The following ABRAXAS2 variants were observed in gnomAD, a reference collection of about 807,000 sequenced individuals.
ABRAXAS2 encodes BRISC complex subunit Abraxas 2.
In ABRAXAS2, 23 loss-of-function variants were observed where a neutral mutation model predicts 49.0. The ratio of observed to expected loss-of-function variants is 0.47; its 90% CI spans 0.34 to 0.66. The LOEUF (loss-of-function observed/expected upper bound fraction) is 0.66. ABRAXAS2 is among the 30% of genes least tolerant of loss of function. ABRAXAS2 has a pLI of 0.01. For synonymous variants in ABRAXAS2, 168 were observed against 180.2 expected (o/e 0.93, Z 0.54); for missense variants, 443 against 511.9 (o/e 0.87, Z 1.30).
chr10:124,812,930 G>C lies in ABRAXAS2; in HGVS notation c.164-3646G>C, dbSNP rs1054144954. ...GAATATCACATTTTGGGCTGGGCGT[G>C]GTGGCTCATGCCTGTAATCCCAGCA... On this transcript the variant is annotated intron_variant, in intron 2 of 8. Coordinates refer to ENST00000298492, the MANE Select transcript of ABRAXAS2 (RefSeq NM_032182.4). Among the ~76,000 whole-genome samples the C allele has an allele frequency of 3.4e-4, 51 of 152,222 alleles. 1 individual carries two copies. Among genetic ancestry groups the C allele is most frequent in the African/African-American group, 1.2e-3 (48 of 41,462 alleles).
chr10:124,810,416 A>T (rs1297545027), intron 2 of ABRAXAS2, among the ~76,000 whole-genome samples: 1 of 152,010 alleles, frequency 6.6e-6, no homozygotes, highest in African/African-American at 2.4e-5. Context: ...AGTCCTAGCT[A>T]CTCAGAAAGC....
At chr10:124,820,151 A>G (rs1268841190) in intron 4 of ABRAXAS2, among the ~76,000 whole-genome samples, 7 of 152,268 alleles carry the variant, frequency 4.6e-5, no homozygotes, top group Admixed American at 4.6e-4. Context: ...ATATTAAAAC[A>G]ACAGCCATTC....
Position 124,834,580 on chromosome 10 carries a change from C to T in ABRAXAS2, c.857C>T (p.Ser286Phe). 3.7e-6 allele frequency: 6 copies of T among 1,614,172 alleles called. No homozygotes were observed. Among genetic ancestry groups the T allele is most frequent in the Non-Finnish European group, 5.1e-6 (6 of 1,180,038 alleles). The change falls in exon 9 of 9, where the codon TCT becomes TTT. Residue 286 changes from serine to phenylalanine, a missense_variant. Ser to Phe is a radical substitution (Grantham distance 155). Transcript: ENST00000298492. ...GCGTTCAGTCCTCGGATGCCGTCCT[C>T]TGGGTTTGCAGCTGAAGGCAGAAGT... The part of the protein sequence containing the change: ...DPAFSPRMPS[S>F]GFAAEGRSTL...
At chr10:124,821,305 G>T (rs866644236) in intron 4 of ABRAXAS2, among the ~76,000 whole-genome samples, 2 of 150,814 alleles carry the variant, frequency 1.3e-5, no homozygotes, top group African/African-American at 4.8e-5. Flanking sequence ...GGTGGCTCAT[G>T]CCTGTAATCC....
intron 5 of ABRAXAS2, among the ~76,000 whole-genome samples, chr10:124,827,009 G>A (rs1202829945): frequency 6.7e-6 from 1 of 150,250 alleles, no homozygotes; most frequent in East Asian, 2.0e-4. Flanking sequence ...CAGAAGAATC[G>A]CTTGAACCTG....
chr10:124,828,641 TGA>T (rs1336111369), intron 5 of ABRAXAS2, 113 bp from the exon 6 acceptor site: 1 of 944,836 alleles, frequency 1.1e-6, no homozygotes. Context: ...CCCAAAGTGC[TGA>T]GATTAGAGGT....
chr10:124,832,210 G>A (rs1038127439), intron 8 of ABRAXAS2, among the ~76,000 whole-genome samples: 5 of 152,072 alleles, frequency 3.3e-5, no homozygotes, highest in African/African-American at 9.6e-5. Context: ...TATTCTTTTA[G>A]CTTCATGTCT....
chr10:124,833,109 G>A (rs1463841467), intron 8 of ABRAXAS2, among the ~76,000 whole-genome samples: 1 of 143,292 alleles, frequency 7.0e-6, no homozygotes, highest in Non-Finnish European at 1.5e-5. Flanking sequence ...TCACACCACT[G>A]CACTCCAGCC....
intron 2 of ABRAXAS2, among the ~76,000 whole-genome samples, chr10:124,809,473 CG>C (rs35403952): frequency 0.76 from 115,727 of 151,304 alleles, 44,317 homozygotes; most frequent in South Asian, 0.85. Context: ...TTAGTAGAGA[CG>C]GGGGTTTCTC....
At chr10:124,826,453 C>T (rs1459877022) in intron 4 of ABRAXAS2, 142 bp from the exon 5 acceptor site, 1 of 697,518 alleles carries the variant, frequency 1.4e-6, no homozygotes, top group African/African-American at 1.8e-5. Context: ...ATCCATGCTC[C>T]TGCTCATGGA....
intron 3 of ABRAXAS2, among the ~76,000 whole-genome samples, chr10:124,817,271 C>A (rs1451686879): frequency 6.6e-6 from 1 of 151,982 alleles, no homozygotes; most frequent in African/African-American, 2.4e-5. Context: ...CATATTATGA[C>A]CAACTAAAGG....
Position 124,835,346 on chromosome 10 carries a change from T to A in ABRAXAS2, c.*375T>A, listed in dbSNP as rs1679541052. The A allele has an allele frequency of 6.3e-6, 1 of 158,200 alleles. No homozygotes were observed. The highest frequency in any genetic ancestry group is 2.4e-5 in the African/African-American group (1 of 41,702). 9.8% of individuals were successfully genotyped at this position (158,200 alleles called of 1,614,324 possible). A position where few individuals can be genotyped will look rare whatever the true frequency, so the allele number is the denominator to read the frequency against. On this transcript the variant is annotated 3_prime_UTR_variant, in exon 9 of 9. Coordinates refer to ENST00000298492, the MANE Select transcript of ABRAXAS2 (RefSeq NM_032182.4). ...TAAATCAAAAACTTACCTCTTGCAC[T>A]ATCATGCCTTGAAATTTACTTTTTC...
At chr10:124,816,212 C>T (rs1181980835) in intron 2 of ABRAXAS2, among the ~76,000 whole-genome samples, 1 of 152,110 alleles carries the variant, frequency 6.6e-6, no homozygotes, top group African/African-American at 2.4e-5. Context: ...ATCCTCACAG[C>T]TTTTATCCCA....
chr10:124,809,811 G>A (rs1431891958), intron 2 of ABRAXAS2, among the ~76,000 whole-genome samples: 1 of 148,622 alleles, frequency 6.7e-6, no homozygotes, highest in Non-Finnish European at 1.5e-5. Flanking sequence ...GGAGTGCAAT[G>A]GCACGATCTT....
At chr10:124,821,771 CAG>C (rs1263475129) in intron 4 of ABRAXAS2, among the ~76,000 whole-genome samples, 3 of 152,244 alleles carry the variant, frequency 2.0e-5, no homozygotes, top group African/African-American at 7.2e-5. Context: ...TAAATTAACA[CAG>C]AGATTTGGGA....
At chr10:124,817,731 T>C (rs1950834475) in intron 3 of ABRAXAS2, among the ~76,000 whole-genome samples, 1 of 152,092 alleles carries the variant, frequency 6.6e-6, no homozygotes, top group African/African-American at 2.4e-5. Flanking sequence ...CCCTGGGGAC[T>C]TGTGTCATAT....
In ABRAXAS2 at chr10:124,834,639, C is replaced by T. The variant is rs1950957011; in HGVS notation, c.916C>T (p.Pro306Ser). Residue 306 changes from proline to serine, a missense_variant, in exon 9 of 9, where the codon CCC (proline) becomes TCC (serine). Around this residue, in one of 3 missense-constraint regions of ABRAXAS2, gnomAD observed 230 missense variants for 237.0 expected, o/e 0.97. Coordinates refer to ENST00000298492, the MANE Select transcript of ABRAXAS2 (RefSeq NM_032182.4). The part of the protein sequence containing the change: ...LGDAEASDPP[P>S]PYSDFHPNNQ... ...AGATGCAGAGGCCTCGGATCCTCCT[C>T]CCCCTTACTCTGATTTTCACCCAAA... 6 of 1,614,108 alleles carry T rather than the reference C, an allele frequency of 3.7e-6. No individual in the cohort carries two copies. Among genetic ancestry groups the T allele is most frequent in the Non-Finnish European group, 5.1e-6 (6 of 1,180,000 alleles).
intron 3 of ABRAXAS2, among the ~76,000 whole-genome samples, chr10:124,816,886 A>G (rs1950828069): frequency 6.6e-6 from 1 of 152,230 alleles, no homozygotes; most frequent in African/African-American, 2.4e-5. Flanking sequence ...ACATAAAATA[A>G]TTCAAAGGAT....
At chr10:124,833,669 T>A (rs1043366196) in intron 8 of ABRAXAS2, among the ~76,000 whole-genome samples, 2 of 152,244 alleles carry the variant, frequency 1.3e-5, no homozygotes, top group Non-Finnish European at 2.9e-5. Context: ...CTTTTCATCC[T>A]GACAGTGTTA....
Sources: gnomAD v4.1 joint callset for allele counts (sites outside exome capture counted in the v4.1 genomes callset) on GRCh38, gnomAD v4.1.1 for gene constraint, gnomAD v4.1.1 regional missense constraint, MANE v1.5 for transcripts, NCBI Gene and HGNC (gene_info 2026-07-23, HGNC 2026-07-21) for gene names.